The following SFMBT2 variants were observed in gnomAD, a reference collection of about 807,000 sequenced individuals.
SFMBT2 encodes the protein scm-like with four MBT domains protein 2.
A neutral mutation model predicts 110.1 loss-of-function variants in SFMBT2; 38 were observed. The observed-to-expected ratio is 0.35, with a 90% confidence interval of 0.27 to 0.45. The LOEUF is 0.45. Among genes scored for constraint, SFMBT2 ranks in the 20% least tolerant of loss-of-function variants. The probability of loss-of-function intolerance (pLI) is 1.00; values close to 1 mark genes in which losing one functional copy is unlikely to be tolerated. For synonymous variants in SFMBT2, 425 were observed against 425.4 expected, an observed-to-expected ratio of 1.00 and a Z score of 0.01; for missense variants, 1,011 against 1,094.9, an observed-to-expected ratio of 0.92 and a Z score of 1.08.
At chr10:7,371,550 T>C (rs1048263509) in intron 2 of SFMBT2, among the ~76,000 whole-genome samples, 1 of 152,228 alleles carries the variant, frequency 6.6e-6, no homozygotes, top group African/African-American at 2.4e-5. Context: ...CATCAAATAA[T>C]GCATTTTAAC....
chr10:7,389,589 A>G (rs1002679448), intron 1 of SFMBT2, among the ~76,000 whole-genome samples: 2 of 152,200 alleles, frequency 1.3e-5, no homozygotes, highest in African/African-American at 4.8e-5. Context: ...CTGTTGGACA[A>G]CAGAATTCTA....
intron 11 of SFMBT2, among the ~76,000 whole-genome samples, chr10:7,217,870 AC>A (rs1190051067): frequency 1.3e-5 from 2 of 152,206 alleles, no homozygotes; most frequent in African/African-American, 2.4e-5. Flanking sequence ...ATCATCAGTC[AC>A]CCTTGCTAAC....
At chr10:7,215,749 C>G in intron 11 of SFMBT2, 5 of 985,216 alleles carry the variant, frequency 5.1e-6, no homozygotes, top group Non-Finnish European at 6.0e-6. Flanking sequence ...GACATCAGGG[C>G]CTGACCTGCT....
In SFMBT2 at chr10:7,171,419, G is replaced by A. The variant is rs926968081; in HGVS notation, c.2416-363C>T. ...CAGACACGAGACAGTGTCCCCCAGT[G>A]TTTCTGTAATGGTGGTGCCAGTGGC... On this transcript the variant is annotated intron_variant, in intron 19 of 20. Coordinates refer to ENST00000397167, the MANE Select transcript of SFMBT2 (RefSeq NM_001387889.1). This position sits in a 1 kb window ranked among gnomAD's most constrained non-coding sequence, Gnocchi z 4.9. 3 of 985,324 alleles carry A rather than the reference G, an allele frequency of 3.0e-6. No individual in the cohort carries two copies. Among genetic ancestry groups the A allele is most frequent in the African/African-American group, 1.7e-5 (1 of 57,250 alleles). 61.0% of individuals were successfully genotyped at this position (985,324 alleles called of 1,614,324 possible).
chr10:7,235,780 C>A (rs1321068127), intron 9 of SFMBT2, among the ~76,000 whole-genome samples: 1 of 152,140 alleles, frequency 6.6e-6, no homozygotes, highest in Admixed American at 6.5e-5. Flanking sequence ...CTGAATACTT[C>A]AATAAATAAA....
chr10:7,174,797 C>G (rs1168997368), intron 17 of SFMBT2, among the ~76,000 whole-genome samples: 1 of 152,196 alleles, frequency 6.6e-6, no homozygotes, highest in East Asian at 1.9e-4. Flanking sequence ...GATGGAGAAA[C>G]AAGCTCTTCC....
At chr10:7,284,513 G>A (rs1588417089) in intron 5 of SFMBT2, 4 of 641,014 alleles carry the variant, frequency 6.2e-6, no homozygotes, top group South Asian at 5.9e-5. Flanking sequence ...TAGAAAACGT[G>A]GTAGCAAACG....
At chr10:7,184,419 G>C (rs779048937) in intron 16 of SFMBT2, among the ~76,000 whole-genome samples, 2 of 152,190 alleles carry the variant, frequency 1.3e-5, no homozygotes, top group Admixed American at 6.5e-5. Context: ...TGTGAGATGT[G>C]CCTTTCACCT....
At chr10:7,366,737 T>C (rs560413719) in intron 4 of SFMBT2, among the ~76,000 whole-genome samples, 1 of 152,342 alleles carries the variant, frequency 6.6e-6, no homozygotes, top group East Asian at 1.9e-4. Context: ...CTTCAATGCA[T>C]TTATCATGTC....
intron 9 of SFMBT2, 129 bp from the exon 10 acceptor site, chr10:7,228,066 G>A (rs755049566): frequency 1.6e-6 from 1 of 619,554 alleles, no homozygotes; most frequent in Non-Finnish European, 2.7e-6. Context: ...CAGCACTTCA[G>A]ATTTCATAAG....
intron 4 of SFMBT2, among the ~76,000 whole-genome samples, chr10:7,355,129 G>A (rs892534616): frequency 6.6e-6 from 1 of 152,058 alleles, no homozygotes; most frequent in Admixed American, 6.5e-5. Context: ...ATCAAAATAC[G>A]TAAACTGAAG....
In SFMBT2 at chr10:7,311,548, C is replaced by T. The variant is rs185131150; in HGVS notation, c.437-25594G>A. Among the ~76,000 whole-genome samples, 385 of 152,342 alleles carry T rather than the reference C, an allele frequency of 2.5e-3. 2 individuals carry two copies. Among genetic ancestry groups the T allele is most frequent in the Non-Finnish European group, 4.0e-3 (269 of 68,026 alleles). On this transcript the variant is annotated intron_variant, in intron 4 of 20. Coordinates refer to ENST00000397167, the MANE Select transcript of SFMBT2 (RefSeq NM_001387889.1). ...CTTGATTGACTTACAACTCTGCCAG[C>T]AGTCGCTCAGCTACACAGAGCAATA...
intron 11 of SFMBT2, chr10:7,214,621 C>T: frequency 1.0e-6 from 1 of 985,504 alleles, no homozygotes; most frequent in Non-Finnish European, 1.2e-6. Flanking sequence ...AGAAACTACA[C>T]ACGTAGCGGA....
intron 1 of SFMBT2, among the ~76,000 whole-genome samples, chr10:7,382,835 T>C (rs1215769403): frequency 6.6e-6 from 1 of 152,228 alleles, no homozygotes; most frequent in African/African-American, 2.4e-5. Context: ...TCCCCGCTTG[T>C]CTTCTAATAA....
At chr10:7,260,807 C>A (rs1249079849) in intron 7 of SFMBT2, among the ~76,000 whole-genome samples, 1 of 152,160 alleles carries the variant, frequency 6.6e-6, no homozygotes, top group African/African-American at 2.4e-5. Context: ...TCAAAAGCAA[C>A]TGAGTAATAA....
intron 12 of SFMBT2, chr10:7,204,504 A>G: frequency 6.6e-6 from 6 of 906,072 alleles, no homozygotes; most frequent in Non-Finnish European, 7.6e-6. Flanking sequence ...ATTAGGGTAG[A>G]ATAATAAACG....
intron 1 of SFMBT2, among the ~76,000 whole-genome samples, chr10:7,397,402 A>G (rs1845955902): frequency 1.3e-5 from 2 of 151,698 alleles, no homozygotes; most frequent in African/African-American, 2.4e-5. Flanking sequence ...CTCAGAAAAG[A>G]TAATATTCTC....
intron 5 of SFMBT2, 34 bp from the exon 6 acceptor site, chr10:7,284,184 A>T (rs756188715): frequency 6.3e-7 from 1 of 1,593,390 alleles, no homozygotes; most frequent in East Asian, 2.2e-5. Flanking sequence ...CTTATTTTAA[A>T]CTTTATTTTA....
intron 1 of SFMBT2, among the ~76,000 whole-genome samples, chr10:7,402,989 T>C (rs1180137006): frequency 6.6e-6 from 1 of 152,202 alleles, no homozygotes; most frequent in Non-Finnish European, 1.5e-5. Context: ...GAAAACTGAT[T>C]TATATTGAAA....
Sources: allele counts gnomAD v4.1 joint callset (sites outside exome capture counted in the v4.1 genomes callset), GRCh38; gene constraint gnomAD v4.1.1; non-coding constraint Gnocchi (gnomAD v3.1); transcripts MANE v1.5; gene names NCBI Gene and HGNC (gene_info 2026-07-23, HGNC 2026-07-21).